The following ZNF714 variants were observed in gnomAD, a reference collection of about 807,000 sequenced individuals.
ZNF714 encodes zinc finger protein 714.
A neutral mutation model predicts 46.2 loss-of-function variants in ZNF714; 32 were observed. That is an observed-to-expected ratio of 0.69 (90% CI 0.52 to 0.93). The LOEUF (loss-of-function observed/expected upper bound fraction) is 0.93, where lower values mean the gene tolerates loss of function less well. Among genes scored for constraint, ZNF714 ranks in the 40% least tolerant of loss-of-function variants. ZNF714 has a pLI of 0.00. For missense variants in ZNF714, 635 were observed against 646.3 expected (o/e 0.98, Z 0.19); for synonymous variants, 199 against 213.1 (o/e 0.93, Z 0.58).
intron 4 of ZNF714, among the ~76,000 whole-genome samples, chr19:21,100,921 G>A (rs1969163676): frequency 6.6e-6 from 1 of 152,078 alleles, no homozygotes; most frequent in African/African-American, 2.4e-5. Context: ...ATGTTGGCCA[G>A]GCTGTTCTTG....
At chr19:21,115,061 G>T (rs1349787062) in intron 4 of ZNF714, among the ~76,000 whole-genome samples, 1 of 151,002 alleles carries the variant, frequency 6.6e-6, no homozygotes, top group Non-Finnish European at 1.5e-5. Flanking sequence ...TATATTCTTG[G>T]TGGTATATTA....
intron 1 of ZNF714, among the ~76,000 whole-genome samples, chr19:21,083,386 T>C (rs1033670413): frequency 6.6e-6 from 1 of 152,158 alleles, no homozygotes; most frequent in African/African-American, 2.4e-5. Flanking sequence ...TCAGTCTAAT[T>C]TCCCGCCGCT....
chr19:21,117,061 A>T lies in ZNF714; in HGVS notation c.397A>T (p.Asn133Tyr). 1 of 1,613,298 alleles carries T rather than the reference A, an allele frequency of 6.2e-7. No homozygotes were observed. The highest frequency in any genetic ancestry group is 8.5e-7 in the Non-Finnish European group (1 of 1,179,594). The change falls in exon 5 of 5, where the codon AAT becomes TAT. Residue 133 changes from asparagine (N) to tyrosine (Y), a missense_variant. Transcript: ENST00000456283. The stretch of plus-strand genomic sequence containing the variant: ...AGTCTTTCATAAAATTTTCAATTCA[A>T]ATAGACACAAGACAAGACATACTGG... The part of the protein sequence containing the change: ...IKVFHKIFNS[N>Y]RHKTRHTGEK...
rs34970745 is a variant in ZNF714, at chr19:21,106,568, C to CAAA, written c.142+7672_142+7674dup. 5.4e-4 allele frequency among the ~76,000 whole-genome samples: 48 copies of CAAA among 88,184 alleles called. 1 individual carries two copies. Among genetic ancestry groups the CAAA allele is most frequent in the African/African-American group, 2.1e-3 (38 of 18,294 alleles). 57.9% of individuals were successfully genotyped at this position (88,184 alleles called of 152,430 possible). A position where few individuals can be genotyped will look rare whatever the true frequency, so the allele number is the denominator to read the frequency against. ...TGGGTGACAGAGCAAGACTCCGTCT[C>CAAA]AAAAAAAAAAAAAAAACAAATATTT... is the stretch of plus-strand genomic sequence containing the variant. On this transcript the variant is annotated intron_variant, in intron 4 of 4. Transcript: ENST00000456283.
rs1224348843 is a variant in ZNF714, at chr19:21,118,058, C to T, written c.1394C>T (p.Ser465Phe). 4.3e-6 allele frequency: 7 copies of T among 1,613,778 alleles called. No homozygotes were observed. The Middle Eastern group carries it at 4.9e-4, about 114-fold the overall frequency. ...GAATGTGGCAAAGCTTTCAACCGAT[C>T]CTCAAACCTTACTAAACATAACATA... ...CEECGKAFNR[S>F]SNLTKHNIIH... The change falls in exon 5 of 5, where the codon TCC (serine) becomes TTC (phenylalanine). Residue 465 changes from serine to phenylalanine, a missense_variant. Physicochemically the swap from Ser to Phe is radical, Grantham distance 155 (BLOSUM62 -2). Transcript: ENST00000456283.
At chr19:21,107,598 A>G (rs1969353621) in intron 4 of ZNF714, among the ~76,000 whole-genome samples, 1 of 151,540 alleles carries the variant, frequency 6.6e-6, no homozygotes, top group Non-Finnish European at 1.5e-5. Context: ...CTTATATTGA[A>G]TTTGTTTCCC....
At chr19:21,097,974 A>G (rs1771784549) in intron 2 of ZNF714, among the ~76,000 whole-genome samples, 1 of 152,238 alleles carries the variant, frequency 6.6e-6, no homozygotes, top group Admixed American at 6.5e-5. Context: ...AGTATTATAT[A>G]TGCACTGGTG....
At position 21,098,959 on chromosome 19, in the gene ZNF714, T is replaced by TAAA. The variant is rs34494287; in HGVS notation, c.142+62_142+64dup. 396 of 678,960 alleles carry TAAA rather than the reference T, an allele frequency of 5.8e-4. 1 individual carries two copies. Among genetic ancestry groups the TAAA allele is most frequent in the African/African-American group, 2.6e-3 (142 of 54,438 alleles). The allele number at this position is 678,960 out of a possible 1,614,324, so 42.1% of individuals were successfully genotyped here. A position where few individuals can be genotyped will look rare whatever the true frequency, so the allele number is the denominator to read the frequency against. The stretch of plus-strand genomic sequence containing the variant: ...ATGACACAGATGAGAGGTACAAAGG[T>TAAA]AAAAAAAAAAAAAAAGCAAGCCGGC... On this transcript the variant is annotated intron_variant, in intron 4 of 4. Coordinates refer to ENST00000456283, the MANE Select transcript of ZNF714 (RefSeq NM_182515.4).
At chr19:21,104,388 A>AATATAT (rs1969263562) in intron 4 of ZNF714, among the ~76,000 whole-genome samples, 2 of 152,156 alleles carry the variant, frequency 1.3e-5, no homozygotes, top group South Asian at 4.1e-4. Context: ...ATATTTTGGA[A>AATATAT]ATATATTCAT....
chr19:21,098,370 T>G (rs907291296), intron 3 of ZNF714, 59 bp downstream of exon 3: 7 of 1,569,634 alleles, frequency 4.5e-6, no homozygotes, highest in African/African-American at 2.8e-5. Context: ...TGTCTCTTTT[T>G]TTGTAGAATT....
Position 21,117,996 on chromosome 19 carries a change from G to T in ZNF714, c.1332G>T (p.Lys444Asn), listed in dbSNP as rs1293684116. The T allele has an allele frequency of 6.2e-7, 1 of 1,612,794 alleles. No individual in the cohort carries two copies. The highest frequency in any genetic ancestry group is 1.1e-5 in the South Asian group (1 of 91,002). The change falls in exon 5 of 5, where the codon AAG becomes AAT. Residue 444 changes from lysine (K) to asparagine (N), a missense_variant. Lys to Asn is a moderately conservative substitution (Grantham distance 94). Transcript: ENST00000456283. The stretch of plus-strand genomic sequence containing the variant: ...GATCCTCAAACCTTACTACACATAA[G>T]AGAATTCACACTGGAGAGAAACCCT... ...FNRSSNLTTH[K>N]RIHTGEKPYK...
chr19:21,098,406 A>G, intron 3 of ZNF714, 95 bp downstream of exon 3: 1 of 1,460,336 alleles, frequency 6.8e-7, no homozygotes, highest in East Asian at 2.3e-5. Context: ...TGCTTTGTAT[A>G]AATGAGTTTC....
chr19:21,104,842 T>G (rs1394042443), intron 4 of ZNF714, among the ~76,000 whole-genome samples: 2 of 151,898 alleles, frequency 1.3e-5, no homozygotes, highest in African/African-American at 2.4e-5. Flanking sequence ...CTTGAACTCC[T>G]AACTTCAGGT....
rs1969705281 is a variant in ZNF714 at position 21,121,675 on chromosome 19, TTA to T, written c.*3344_*3345del. ...GAACAATATGGGAATAAAAATCATT[TTA>T]ATAAGGTGGCTACTATAAAACTAAA... is the stretch of plus-strand genomic sequence containing the variant. On this transcript the variant is annotated 3_prime_UTR_variant, in exon 5 of 5. Transcript: ENST00000456283. The T allele has an allele frequency of 7.9e-5, 12 of 152,204 alleles. No homozygotes were observed. Among genetic ancestry groups the T allele is most frequent in the Admixed American group, 7.9e-4 (12 of 15,286 alleles). 9.4% of individuals were successfully genotyped at this position (152,204 alleles called of 1,614,324 possible). A position where few individuals can be genotyped will look rare whatever the true frequency, so the allele number is the denominator to read the frequency against.
intron 4 of ZNF714, among the ~76,000 whole-genome samples, chr19:21,110,140 T>C (rs1336682736): frequency 1.3e-5 from 2 of 152,220 alleles, no homozygotes; most frequent in East Asian, 3.8e-4. Flanking sequence ...TCCAATAGTA[T>C]ATCTGGTTCT....
chr19:21,095,469 T>TG (rs1969014523), intron 2 of ZNF714, among the ~76,000 whole-genome samples: 10 of 62,774 alleles, frequency 1.6e-4, no homozygotes, highest in African/African-American at 3.1e-4. Flanking sequence ...TTCCATCTTT[T>TG]ATTTTTTTTT....
At chr19:21,099,138 A>G (rs990882139) in intron 4 of ZNF714, among the ~76,000 whole-genome samples, 7 of 152,130 alleles carry the variant, frequency 4.6e-5, no homozygotes, top group Non-Finnish European at 1.0e-4. Context: ...GAACACACAA[A>G]TATCTGCATA....
chr19:21,110,569 T>C (rs538679816), intron 4 of ZNF714, among the ~76,000 whole-genome samples: 1 of 152,352 alleles, frequency 6.6e-6, no homozygotes, highest in African/African-American at 2.4e-5. Flanking sequence ...ACAATTTATT[T>C]TGCTGTGCAG....
At position 21,124,893 on chromosome 19, in the gene ZNF714, T is replaced by A. The variant is rs1969768227; in HGVS notation, c.*6561T>A. 6.6e-6 allele frequency: 1 copy of A among 151,750 alleles called. No homozygotes were observed. The highest frequency in any genetic ancestry group is 1.5e-5 in the Non-Finnish European group (1 of 67,940). The allele number at this position is 151,750 out of a possible 1,614,324, so 9.4% of individuals were successfully genotyped here. Reference sequence around the variant, plus strand: ...GCCTGGCCTATCCCAACTAATATAATGTCCTCCAGCTTAATCTATGTAATT... The same window carrying A: ...GCCTGGCCTATCCCAACTAATATAAAGTCCTCCAGCTTAATCTATGTAATT... On this transcript the variant is annotated 3_prime_UTR_variant, in exon 5 of 5. Transcript: ENST00000456283.
Sources: allele counts gnomAD v4.1 joint callset (sites outside exome capture counted in the v4.1 genomes callset), GRCh38; gene constraint gnomAD v4.1.1; transcripts MANE v1.5; gene names NCBI Gene and HGNC (gene_info 2026-07-23, HGNC 2026-07-21).